TBC1D8: variants seen among roughly 807,000 people sequenced by gnomAD.
The protein encoded by TBC1D8 is TBC1 domain family member 8.
In TBC1D8, 65 loss-of-function variants were observed where a neutral mutation model predicts 118.8. The ratio of observed to expected loss-of-function variants is 0.55; its 90% CI spans 0.45 to 0.67. The LOEUF (loss-of-function observed/expected upper bound fraction) is 0.67, where lower values mean the gene tolerates loss of function less well. TBC1D8 is among the 30% of genes least tolerant of loss of function. The pLI is 0.00. For synonymous variants in TBC1D8, 566 were observed against 595.8 expected (o/e 0.95, Z 0.73); for missense variants, 1,376 against 1,471.2 (o/e 0.94, Z 1.06).
In TBC1D8 at chr2:101,007,299, T is replaced by A. The variant is rs1184835453; in HGVS notation, c.*522A>T. On this transcript the variant is annotated 3_prime_UTR_variant, in exon 20 of 20. Transcript: ENST00000409318. The stretch of plus-strand genomic sequence containing the variant: ...AAGCATGGTTTGTACACAACAACAT[T>A]TTTGGAAGGACATATAAAGTGAATA... 6.5e-6 allele frequency: 1 copy of A among 152,748 alleles called. No homozygotes were observed. The highest frequency in any genetic ancestry group is 1.5e-5 in the Non-Finnish European group (1 of 68,472). The allele number at this position is 152,748 out of a possible 1,614,324, so 9.5% of individuals were successfully genotyped here.
At chr2:101,082,344 T>C (rs1012711947) in intron 2 of TBC1D8, among the ~76,000 whole-genome samples, 1 of 152,070 alleles carries the variant, frequency 6.6e-6, no homozygotes, top group Non-Finnish European at 1.5e-5. Context: ...GAAGTCTCCT[T>C]GTTCATCCAG....
intron 1 of TBC1D8, among the ~76,000 whole-genome samples, chr2:101,149,463 C>T (rs1280798575): frequency 6.6e-6 from 1 of 152,180 alleles, no homozygotes; most frequent in African/African-American, 2.4e-5. Context: ...CGCCTGCTCT[C>T]GGGCCTCTTT....
chr2:101,138,304 G>T (rs1038921658), intron 1 of TBC1D8, among the ~76,000 whole-genome samples: 1 of 151,982 alleles, frequency 6.6e-6, no homozygotes, highest in African/African-American at 2.4e-5. Flanking sequence ...GGTGGTAAAA[G>T]AAAAAAACAT....
intron 2 of TBC1D8, among the ~76,000 whole-genome samples, chr2:101,084,871 CAG>C (rs926116797): frequency 1.3e-4 from 16 of 126,094 alleles, no homozygotes; most frequent in African/African-American, 4.6e-4. Flanking sequence ...TTTTTTGAGA[CAG>C]AGTCTCGCTC....
chr2:101,087,643 C>CAAAAAAAAAAAAA (rs34582477), intron 2 of TBC1D8, among the ~76,000 whole-genome samples: 1 of 104,896 alleles, frequency 9.5e-6, no homozygotes. Context: ...GACTCTGTCT[C>CAAAAAAAAAAAAA]AAAAAAAAAA....
chr2:101,011,354 A>T (rs1679194954), intron 18 of TBC1D8, 97 bp downstream of exon 18: 2 of 1,220,818 alleles, frequency 1.6e-6, no homozygotes, highest in African/African-American at 3.0e-5. Flanking sequence ...AAGGGAAAAG[A>T]CAAGGCTGCT....
At chr2:101,105,969 G>A (rs1235207200) in intron 1 of TBC1D8, among the ~76,000 whole-genome samples, 1 of 151,942 alleles carries the variant, frequency 6.6e-6, no homozygotes, top group East Asian at 1.9e-4. Context: ...CAGCCAAGAT[G>A]TCCTTCAATA....
At chr2:101,033,307 G>A in intron 10 of TBC1D8, 1 of 584,046 alleles carries the variant, frequency 1.7e-6, no homozygotes. Flanking sequence ...AGTAGATGGG[G>A]TTTCACCATG....
At chr2:101,075,884 A>G (rs1227453861) in intron 2 of TBC1D8, among the ~76,000 whole-genome samples, 1 of 152,080 alleles carries the variant, frequency 6.6e-6, no homozygotes, top group East Asian at 1.9e-4. Context: ...ATATTTTTAA[A>G]CTCCTGGCTT....
At chr2:101,009,777 G>A (rs971732041) in intron 19 of TBC1D8, among the ~76,000 whole-genome samples, 2 of 151,474 alleles carry the variant, frequency 1.3e-5, no homozygotes, top group Non-Finnish European at 2.9e-5. Flanking sequence ...TTGAAGGGTC[G>A]TAGTCCACAG....
In TBC1D8 at chr2:101,038,499, G is replaced by A. The variant is rs373747857; in HGVS notation, c.1237C>T (p.His413Tyr). 7.4e-6 allele frequency: 12 copies of A among 1,613,710 alleles called. No homozygotes were observed. The highest frequency in any genetic ancestry group is 3.3e-5 in the South Asian group (3 of 91,074). ...LARLKQVHAN[H>Y]PVHYDTSADD... ...GCAGAGGTGTCGTAGTGCACGGGGT[G>A]GTTGGCGTGGACCTGCTTCAACCTC... Residue 413 changes from histidine to tyrosine, a missense_variant, in exon 7 of 20, where the codon CAC becomes TAC. By Grantham distance (83) the His-to-Tyr change is moderately conservative. Transcript: ENST00000409318.
intron 2 of TBC1D8, among the ~76,000 whole-genome samples, chr2:101,079,326 G>A (rs1385450000): frequency 6.6e-6 from 1 of 152,158 alleles, no homozygotes; most frequent in Non-Finnish European, 1.5e-5. Flanking sequence ...TAACCTATAA[G>A]ACACTAGAGA....
chr2:101,108,848 T>C (rs1283920761), intron 1 of TBC1D8, among the ~76,000 whole-genome samples: 2 of 152,094 alleles, frequency 1.3e-5, no homozygotes, highest in Non-Finnish European at 2.9e-5. Context: ...GATGGAGCCT[T>C]TATTCAGCCT....
chr2:101,078,129 T>C (rs962006498), intron 2 of TBC1D8, among the ~76,000 whole-genome samples: 1 of 152,186 alleles, frequency 6.6e-6, no homozygotes, highest in African/African-American at 2.4e-5. Flanking sequence ...CCCACCACAC[T>C]ATCCTTGAAA....
chr2:101,151,090 G>C, intron 1 of TBC1D8, 37 bp downstream of exon 1: 4 of 1,002,786 alleles, frequency 4.0e-6, no homozygotes, highest in Non-Finnish European at 4.8e-6. Context: ...CGAGGCCCCG[G>C]GCCCGGCCGC....
intron 2 of TBC1D8, among the ~76,000 whole-genome samples, chr2:101,076,791 G>T (rs1171380587): frequency 2.6e-5 from 4 of 152,194 alleles, no homozygotes; most frequent in African/African-American, 9.7e-5. Context: ...TCATTCCTGG[G>T]CTTGGGCCAA....
chr2:101,104,599 C>T (rs950316008), intron 1 of TBC1D8, among the ~76,000 whole-genome samples: 7 of 152,204 alleles, frequency 4.6e-5, no homozygotes, highest in East Asian at 1.9e-4. Context: ...TTTCAACAAA[C>T]GGTGCTAAAT....
chr2:101,064,712 C>T (rs545329091), intron 2 of TBC1D8, among the ~76,000 whole-genome samples: 1 of 152,200 alleles, frequency 6.6e-6, no homozygotes, highest in East Asian at 1.9e-4. Flanking sequence ...GACCACATAA[C>T]GAACAACACT....
intron 1 of TBC1D8, among the ~76,000 whole-genome samples, chr2:101,121,355 C>A (rs986109852): frequency 1.3e-5 from 2 of 152,230 alleles, no homozygotes; most frequent in Non-Finnish European, 2.9e-5. Context: ...CCACTCATCA[C>A]CTCTGTTTAA....
Sources: allele counts gnomAD v4.1 joint callset (sites outside exome capture counted in the v4.1 genomes callset), GRCh38; gene constraint gnomAD v4.1.1; transcripts MANE v1.5; gene names NCBI Gene and HGNC (gene_info 2026-07-23, HGNC 2026-07-21).